CCDC13: variants seen among roughly 807,000 people sequenced by gnomAD.
CCDC13 encodes the protein coiled-coil domain-containing protein 13.
Under a neutral mutation model 87.3 loss-of-function variants are expected in CCDC13, and 70 were observed. That is an observed-to-expected ratio of 0.80 (90% CI 0.66 to 0.98). The LOEUF (loss-of-function observed/expected upper bound fraction) is 0.98, where lower values mean the gene tolerates loss of function less well. Among genes scored for constraint, CCDC13 ranks in the 50% least tolerant of loss-of-function variants. CCDC13 has a pLI of 0.00. For synonymous variants in CCDC13, 317 were observed against 360.3 expected, an observed-to-expected ratio of 0.88 and a Z score of 1.36; for missense variants, 842 against 892.0, an observed-to-expected ratio of 0.94 and a Z score of 0.71.
At chr3:42,744,855 A>G (rs1004811652) in intron 7 of CCDC13, 2 of 152,132 alleles carry the variant, frequency 1.3e-5, no homozygotes, top group African/African-American at 2.4e-5. Flanking sequence ...CTTAATGACA[A>G]TAAGAAGTAA....
At chr3:42,726,413 A>C (rs1698690053) in intron 13 of CCDC13, among the ~76,000 whole-genome samples, 1 of 152,186 alleles carries the variant, frequency 6.6e-6, no homozygotes, top group Non-Finnish European at 1.5e-5. Flanking sequence ...ACAACTGAAG[A>C]TATTTAGTGA....
intron 1 of CCDC13, among the ~76,000 whole-genome samples, chr3:42,772,285 AAAAAAG>A (rs1559669741): frequency 1.7e-4 from 4 of 23,608 alleles, no homozygotes; most frequent in Admixed American, 7.0e-4. Context: ...AAAAAAAAAA[AAAAAAG>A]TAATAATAAA....
In CCDC13 at chr3:42,751,929, T is replaced by C; in HGVS notation, c.603+7A>G. ...ACAGACTTCCCAGCACAGAAGAGAATTCATACCAATGCTCTGTCTCCCATC... is the reference window on the plus strand; with the variant it reads ...ACAGACTTCCCAGCACAGAAGAGAACTCATACCAATGCTCTGTCTCCCATC... On this transcript the variant is annotated splice_region_variant and intron_variant, in intron 5 of 15. Transcript: ENST00000310232. The C allele has an allele frequency of 3.1e-6, 5 of 1,611,558 alleles. No homozygotes were observed. Among genetic ancestry groups the C allele is most frequent in the Non-Finnish European group, 4.2e-6 (5 of 1,179,502 alleles).
At chr3:42,747,151 G>A (rs2125900417) in intron 6 of CCDC13, 106 bp downstream of exon 6, 1 of 846,956 alleles carries the variant, frequency 1.2e-6, no homozygotes, top group Non-Finnish European at 2.0e-6. Context: ...TGTGCTCAAG[G>A]GACTGAGCAC....
intron 13 of CCDC13, chr3:42,717,896 G>C (rs1357502534): frequency 6.6e-6 from 1 of 152,208 alleles, no homozygotes; most frequent in African/African-American, 2.4e-5. Flanking sequence ...TTGGTTGTCA[G>C]CTCCTAGATT....
At chr3:42,735,188 G>T (rs959771927) in intron 10 of CCDC13, among the ~76,000 whole-genome samples, 1 of 152,252 alleles carries the variant, frequency 6.6e-6, no homozygotes, top group African/African-American at 2.4e-5. Flanking sequence ...CCGTGGGGGA[G>T]GAGGGGAGGG....
chr3:42,713,158 C>A lies in CCDC13; in HGVS notation c.1873+4G>T, dbSNP rs1698352410. ...TGCACTGAGACTACTGCCCTGGCCCCTACCTGTTTTGGTCCTGGGAGCTGC... is the reference window on the plus strand; with the variant it reads ...TGCACTGAGACTACTGCCCTGGCCCATACCTGTTTTGGTCCTGGGAGCTGC... On this transcript the variant is annotated splice_donor_region_variant and intron_variant, in intron 14 of 15. Transcript: ENST00000310232. The A allele has an allele frequency of 2.5e-6, 4 of 1,613,606 alleles. No individual in the cohort carries two copies. The highest frequency in any genetic ancestry group is 3.4e-6 in the Non-Finnish European group (4 of 1,179,744).
At chr3:42,712,396 T>A (rs746629524) in intron 14 of CCDC13, among the ~76,000 whole-genome samples, 36 of 152,056 alleles carry the variant, frequency 2.4e-4, no homozygotes, top group Non-Finnish European at 4.6e-4. Context: ...ATCCTCCAGC[T>A]CGCCCCAGCC....
intron 7 of CCDC13, among the ~76,000 whole-genome samples, chr3:42,744,014 T>C (rs1240140514): frequency 6.6e-6 from 1 of 152,186 alleles, no homozygotes; most frequent in African/African-American, 2.4e-5. Flanking sequence ...GATTCAGTAT[T>C]GTGAAGTTGT....
At chr3:42,722,476 T>A (rs1438050881) in intron 13 of CCDC13, among the ~76,000 whole-genome samples, 2 of 151,744 alleles carry the variant, frequency 1.3e-5, no homozygotes, top group African/African-American at 4.8e-5. Context: ...AGATGGGAGG[T>A]TGGCACAAAA....
At chr3:42,754,300 A>G (rs1351833457) in intron 3 of CCDC13, among the ~76,000 whole-genome samples, 1 of 152,050 alleles carries the variant, frequency 6.6e-6, no homozygotes, top group Non-Finnish European at 1.5e-5. Flanking sequence ...TTGGAATCTC[A>G]TGTCTGCTGA....
intron 1 of CCDC13, among the ~76,000 whole-genome samples, chr3:42,772,449 C>T (rs1700147096): frequency 6.6e-6 from 1 of 152,022 alleles, no homozygotes. Flanking sequence ...TGACAGGGAC[C>T]AGTGAGGAAG....
intron 4 of CCDC13, 93 bp from the exon 5 acceptor site, chr3:42,752,118 C>T (rs371341928): frequency 1.8e-6 from 2 of 1,096,690 alleles, no homozygotes. Context: ...GGTTACCTAT[C>T]TTGGTGGTGT....
At chr3:42,738,742 GA>G (rs1445616614) in intron 9 of CCDC13, among the ~76,000 whole-genome samples, 1 of 152,160 alleles carries the variant, frequency 6.6e-6, no homozygotes, top group Non-Finnish European at 1.5e-5. Context: ...GAATGCTTGG[GA>G]TTTTTGCACA....
chr3:42,763,654 A>G (rs951022981), intron 1 of CCDC13, among the ~76,000 whole-genome samples: 2 of 151,998 alleles, frequency 1.3e-5, no homozygotes, highest in African/African-American at 4.8e-5. Context: ...ACAGGCATGC[A>G]CCACCACACC....
intron 13 of CCDC13, among the ~76,000 whole-genome samples, chr3:42,729,902 G>A (rs1220544474): frequency 2.6e-5 from 4 of 152,184 alleles, no homozygotes; most frequent in African/African-American, 9.7e-5. Context: ...GTGTTGGCCT[G>A]GACACCTGCA....
chr3:42,742,986 A>T lies in CCDC13; in HGVS notation c.897T>A (p.Ser299=). 1 of 1,614,178 alleles carries T rather than the reference A, an allele frequency of 6.2e-7. No homozygotes were observed. The highest frequency in any genetic ancestry group is 8.5e-7 in the Non-Finnish European group (1 of 1,180,022). Residue 299 remains serine, a synonymous_variant, in exon 8 of 16, where the codon TCT becomes TCA. Coordinates refer to ENST00000310232, the MANE Select transcript of CCDC13 (RefSeq NM_144719.4). ...ACAGCTTCCTTGGGTCTGGATAGAC[A>T]GACAACTCATCACTGGCTGTTCCCG... ...QSAGTASDEL[S]VYPDPRKLSA...
chr3:42,740,302 C>A (rs774788729), intron 8 of CCDC13, among the ~76,000 whole-genome samples: 4 of 152,174 alleles, frequency 2.6e-5, no homozygotes, highest in Admixed American at 6.5e-5. Context: ...TTTGGCACAA[C>A]CCCTGACAGC....
chr3:42,726,804 A>G (rs1292141980), intron 13 of CCDC13, among the ~76,000 whole-genome samples: 3 of 151,916 alleles, frequency 2.0e-5, no homozygotes, highest in Non-Finnish European at 2.9e-5. Context: ...ATATATACAT[A>G]TGTGTGTGTG....
Sources: gnomAD v4.1 joint callset for allele counts (sites outside exome capture counted in the v4.1 genomes callset) on GRCh38, gnomAD v4.1.1 for gene constraint, MANE v1.5 for transcripts, NCBI Gene and HGNC (gene_info 2026-07-23, HGNC 2026-07-21) for gene names.